The following JAK3 variants were observed in gnomAD, a reference collection of about 807,000 sequenced individuals.
The protein encoded by JAK3 is tyrosine-protein kinase JAK3.
JAK3 carries 88 observed loss-of-function variants against 120.8 expected under a neutral mutation model. The observed-to-expected ratio is 0.73, with a 90% confidence interval of 0.61 to 0.87. The LOEUF is 0.87. JAK3 is among the 40% of genes least tolerant of loss of function. JAK3 has a pLI of 0.00. For synonymous variants in JAK3, 592 were observed against 628.6 expected, an observed-to-expected ratio of 0.94 and a Z score of 0.87; for missense variants, 1,254 against 1,501.4, an observed-to-expected ratio of 0.84 and a Z score of 2.72.
rs775569458 is a variant in JAK3, at chr19:17,842,419, G to A, written c.758C>T (p.Thr253Ile). The A allele has an allele frequency of 5.0e-6, 8 of 1,584,876 alleles. No individual in the cohort carries two copies. In the South Asian group the frequency reaches 9.1e-5, roughly 18 times the overall value. Reference protein sequence around the residue: ...ERLDPAGAAETFHVGLPGALG... With the variant: ...ERLDPAGAAEIFHVGLPGALG... ...GGCCCCAGGGAGGCCCACGTGGAAG[G>A]TCTCGGCGGCCCCGGCTGGATCCAG... Residue 253 changes from threonine (T) to isoleucine (I), a missense_variant, in exon 6 of 24, where the codon ACC becomes ATC. Coordinates refer to ENST00000458235, the MANE Select transcript of JAK3 (RefSeq NM_000215.4). This position sits in a 1 kb window ranked among gnomAD's most constrained non-coding sequence, Gnocchi z 6.4.
intron 13 of JAK3, 109 bp from the exon 14 acceptor site, chr19:17,836,160 T>C (rs2094223893): frequency 9.4e-6 from 12 of 1,282,698 alleles, no homozygotes; most frequent in Non-Finnish European, 1.3e-5. Context: ...CATCTCTGTC[T>C]GTTCCCTCCC....
At position 17,842,314 on chromosome 19, in the gene JAK3, ACCT is replaced by A. The variant is rs761175194; in HGVS notation, c.860_861+1del. Reference sequence around the variant, plus strand: ...CCGCCCAGCGGGGGAGTCCGCCCTCACCTCCTGTTCTCCCTGGGTCCAGGCGAT... The same window carrying A: ...CCGCCCAGCGGGGGAGTCCGCCCTCACCTGTTCTCCCTGGGTCCAGGCGAT... On this transcript the variant is annotated splice_donor_variant and coding_sequence_variant, in exon 6 of 24. Coordinates refer to ENST00000458235, the MANE Select transcript of JAK3 (RefSeq NM_000215.4). LOFTEE classifies it high-confidence loss of function. This position sits in a 1 kb window ranked among gnomAD's most constrained non-coding sequence, Gnocchi z 6.4. 1.6e-5 allele frequency: 24 copies of A among 1,536,798 alleles called. No homozygotes were observed. In the South Asian group the frequency reaches 2.7e-4, roughly 17 times the overall value.
chr19:17,826,472 CGA>C lies in JAK3; in HGVS notation c.*269_*270del, dbSNP rs2094204136. On this transcript the variant is annotated 3_prime_UTR_variant, in exon 24 of 24. Transcript: ENST00000458235. ...CAGGGCTTAAGGGGTTGGGAAGATG[CGA>C]GAGTCTTAAATTTGGTTCCTTGCTT... is the stretch of plus-strand genomic sequence containing the variant. The C allele has an allele frequency of 9.5e-6, 5 of 525,362 alleles. No individual in the cohort carries two copies. Among genetic ancestry groups the C allele is most frequent in the Admixed American group, 3.1e-5 (1 of 32,154 alleles). The allele number at this position is 525,362 out of a possible 1,614,324, so 32.5% of individuals were successfully genotyped here. A position where few individuals can be genotyped will look rare whatever the true frequency, so the allele number is the denominator to read the frequency against.
In JAK3 at chr19:17,832,765, C is replaced by T. The variant is rs2094216702; in HGVS notation, c.2490+25G>A. 3.1e-6 allele frequency: 5 copies of T among 1,614,158 alleles called. No homozygotes were observed. Among genetic ancestry groups the T allele is most frequent in the Middle Eastern group, 1.6e-4 (1 of 6,084 alleles). On this transcript the variant is annotated intron_variant, in intron 18 of 23. Transcript: ENST00000458235. The surrounding 1 kb of genome is among the most constrained non-coding windows in gnomAD (Gnocchi z 4.7). The stretch of plus-strand genomic sequence containing the variant: ...CTGGATGCTGCCCTGCCCTCTCCAA[C>T]CCACCCTGGCCCTGCCCACCTTACC...
At position 17,839,547 on chromosome 19, in the gene JAK3, G is replaced by A. The variant is rs200197702; in HGVS notation, c.1371C>T (p.Cys457=). ...CATCTACGTGCAGCCCCCCATCCCA[G>A]CAGGTTGCCAGGAGCTCTCGAAGAC... ...HSSLRELLAT[C]WDGGLHVDGV... Residue 457 remains cysteine (C), a synonymous_variant, in exon 10 of 24, where the codon TGC becomes TGT. Transcript: ENST00000458235. 9 of 1,606,564 alleles carry A rather than the reference G, an allele frequency of 5.6e-6. No homozygotes were observed. The highest frequency in any genetic ancestry group is 7.6e-6 in the Non-Finnish European group (9 of 1,176,926).
At chr19:17,847,482 C>T (rs1352186124) in intron 1 of JAK3, among the ~76,000 whole-genome samples, 1 of 152,116 alleles carries the variant, frequency 6.6e-6, no homozygotes, top group African/African-American at 2.4e-5. Flanking sequence ...GGAGGTCTGG[C>T]TATGTTGCCC....
chr19:17,842,260 C>T lies in JAK3; in HGVS notation c.861+56G>A. On this transcript the variant is annotated intron_variant, in intron 6 of 23. Coordinates refer to ENST00000458235, the MANE Select transcript of JAK3 (RefSeq NM_000215.4). This position sits in a 1 kb window ranked among gnomAD's most constrained non-coding sequence, Gnocchi z 6.4. ...CCACATCCCCTACCACTCTCCGGCC[C>T]CTCCCCGAGCCCCGCCCCCACGTTG... 6.9e-7 allele frequency: 1 copy of T among 1,439,306 alleles called. No homozygotes were observed. Among genetic ancestry groups the T allele is most frequent in the Admixed American group, 2.5e-5 (1 of 40,596 alleles). 89.2% of individuals were successfully genotyped at this position (1,439,306 alleles called of 1,614,324 possible). A position where few individuals can be genotyped will look rare whatever the true frequency, so the allele number is the denominator to read the frequency against.
Position 17,840,191 on chromosome 19 carries a change from C to T in JAK3, c.1254+39G>A, listed in dbSNP as rs561626546. 1.7e-5 allele frequency: 23 copies of T among 1,375,560 alleles called. 1 individual carries two copies. The South Asian group carries it at 2.6e-4, about 15-fold the overall frequency. The allele number at this position is 1,375,560 out of a possible 1,614,324, so 85.2% of individuals were successfully genotyped here. A position where few individuals can be genotyped will look rare whatever the true frequency, so the allele number is the denominator to read the frequency against. On this transcript the variant is annotated intron_variant, in intron 9 of 23. Transcript: ENST00000458235. ...ATCTCAATTCAAACGTCACCTCCTC[C>T]AGGCAGCCCTCCACTACCCACCCTA...
Position 17,842,717 on chromosome 19 carries a change from T to C in JAK3, c.567-107A>G, listed in dbSNP as rs987101456. On this transcript the variant is annotated intron_variant, in intron 5 of 23. Transcript: ENST00000458235. This position sits in a 1 kb window ranked among gnomAD's most constrained non-coding sequence, Gnocchi z 6.4. ...CCCAGGGGCTGGGGTGCGGCCCTAG[T>C]TGGGGCACCAGGCACACACAGACTC... is the stretch of plus-strand genomic sequence containing the variant. 5.1e-6 allele frequency: 6 copies of C among 1,183,276 alleles called. No individual in the cohort carries two copies. Among genetic ancestry groups the C allele is most frequent in the African/African-American group, 3.1e-5 (2 of 64,910 alleles). The allele number at this position is 1,183,276 out of a possible 1,614,324, so 73.3% of individuals were successfully genotyped here.
intron 9 of JAK3, 36 bp from the exon 10 acceptor site, chr19:17,839,699 G>GAC: frequency 6.7e-7 from 1 of 1,492,864 alleles, no homozygotes; most frequent in Non-Finnish European, 9.2e-7. Context: ...GGGACTGAGC[G>GAC]ACAGACACTC....
intron 17 of JAK3, 35 bp downstream of exon 17, chr19:17,834,536 A>G: frequency 6.2e-7 from 1 of 1,612,644 alleles, no homozygotes; most frequent in Non-Finnish European, 8.5e-7. Flanking sequence ...ATATGACATC[A>G]CAGCCCTCCC....
Position 17,831,518 on chromosome 19 carries a change from T to A in JAK3, c.2806-118A>T. 6.6e-7 allele frequency: 1 copy of A among 1,510,830 alleles called. No individual in the cohort carries two copies. The highest frequency in any genetic ancestry group is 9.0e-7 in the Non-Finnish European group (1 of 1,117,160). 93.6% of individuals were successfully genotyped at this position (1,510,830 alleles called of 1,614,324 possible). On this transcript the variant is annotated intron_variant, in intron 20 of 23. Transcript: ENST00000458235. The surrounding 1 kb of genome is among the most constrained non-coding windows in gnomAD (Gnocchi z 5.1). ...CTATAACCCTACCCCCGAGCCATCC[T>A]CCACTGAAGTTCTGATCCTGAGCCC...
At position 17,843,258 on chromosome 19, in the gene JAK3, T is replaced by C. The variant is rs1472147715; in HGVS notation, c.421-86A>G. On this transcript the variant is annotated intron_variant, in intron 4 of 23. Coordinates refer to ENST00000458235, the MANE Select transcript of JAK3 (RefSeq NM_000215.4). This position sits in a 1 kb window ranked among gnomAD's most constrained non-coding sequence, Gnocchi z 5.4. ...CCTGCAGACCCCCCCAATCCTGGGCTGACCCCCACCCCTGGACTGCCACAG... is the reference window on the plus strand; with the variant it reads ...CCTGCAGACCCCCCCAATCCTGGGCCGACCCCCACCCCTGGACTGCCACAG... 5.8e-6 allele frequency: 9 copies of C among 1,545,876 alleles called. No individual in the cohort carries two copies. Among genetic ancestry groups the C allele is most frequent in the Non-Finnish European group, 7.9e-6 (9 of 1,142,656 alleles).
chr19:17,842,179 C>T lies in JAK3; in HGVS notation c.861+137G>A. The T allele has an allele frequency of 1.0e-6, 1 of 969,300 alleles. No homozygotes were observed. Among genetic ancestry groups the T allele is most frequent in the Non-Finnish European group, 1.5e-6 (1 of 674,792 alleles). The allele number at this position is 969,300 out of a possible 1,614,324, so 60.0% of individuals were successfully genotyped here. A position where few individuals can be genotyped will look rare whatever the true frequency, so the allele number is the denominator to read the frequency against. On this transcript the variant is annotated intron_variant, in intron 6 of 23. Coordinates refer to ENST00000458235, the MANE Select transcript of JAK3 (RefSeq NM_000215.4). This position sits in a 1 kb window ranked among gnomAD's most constrained non-coding sequence, Gnocchi z 6.4. ...TCCCGCAGTCTCCTCCCTCACTAAG[C>T]CCCGCCCCTCATTAAGCCTCGCCCA...
At chr19:17,837,052 G>A (rs1458516700) in intron 13 of JAK3, 77 bp downstream of exon 13, 7 of 901,512 alleles carry the variant, frequency 7.8e-6, no homozygotes, top group South Asian at 5.6e-5. Flanking sequence ...GTCATATAGC[G>A]GCTCAGAACA....
intron 8 of JAK3, 43 bp from the exon 9 acceptor site, chr19:17,840,384 G>C: frequency 7.5e-7 from 1 of 1,330,186 alleles, no homozygotes; most frequent in Non-Finnish European, 1.1e-6. Context: ...GTCAGAGATA[G>C]AAGAAGACAG....
chr19:17,840,491 C>A (rs1302429670), intron 8 of JAK3, 150 bp from the exon 9 acceptor site: 4 of 649,252 alleles, frequency 6.2e-6, no homozygotes, highest in Non-Finnish European at 1.1e-5. Context: ...GGGCCAGGCG[C>A]CGTGGCTCAC....
In JAK3 at chr19:17,838,464, C is replaced by T. The variant is rs2094229870; in HGVS notation, c.1442-74G>A. Reference sequence around the variant, plus strand: ...TCCCCAAGGGTTAGCTAACTCATGCCTTAGTTTGAGGTACCCTCTAGAAGC... The same window carrying T: ...TCCCCAAGGGTTAGCTAACTCATGCTTTAGTTTGAGGTACCCTCTAGAAGC... On this transcript the variant is annotated intron_variant, in intron 10 of 23. Coordinates refer to ENST00000458235, the MANE Select transcript of JAK3 (RefSeq NM_000215.4). The T allele has an allele frequency of 4.4e-6, 7 of 1,583,550 alleles. No homozygotes were observed. In the Admixed American group the frequency reaches 1.0e-4, roughly 23 times the overall value.
Position 17,831,489 on chromosome 19 carries a change from C to T in JAK3, c.2806-89G>A. 1 of 1,560,620 alleles carries T rather than the reference C, an allele frequency of 6.4e-7. No homozygotes were observed. Among genetic ancestry groups the T allele is most frequent in the South Asian group, 1.1e-5 (1 of 89,840 alleles). On this transcript the variant is annotated intron_variant, in intron 20 of 23. Coordinates refer to ENST00000458235, the MANE Select transcript of JAK3 (RefSeq NM_000215.4). This position sits in a 1 kb window ranked among gnomAD's most constrained non-coding sequence, Gnocchi z 5.1. ...GTGACCTGGCACCCCAACCCAGACCCCAACTATAACCCTACCCCCGAGCCA... is the reference window on the plus strand; with the variant it reads ...GTGACCTGGCACCCCAACCCAGACCTCAACTATAACCCTACCCCCGAGCCA...
Sources: gnomAD v4.1 joint callset for allele counts (sites outside exome capture counted in the v4.1 genomes callset) on GRCh38, gnomAD v4.1.1 for gene constraint, Gnocchi (gnomAD v3.1) non-coding constraint, MANE v1.5 for transcripts, NCBI Gene and HGNC (gene_info 2026-07-23, HGNC 2026-07-21) for gene names.